The following DNAI7 variants were observed in gnomAD, a reference collection of about 807,000 sequenced individuals.
DNAI7 encodes the protein cancer susceptibility 1.
DNAI7 carries 78 observed loss-of-function variants against 86.6 expected under a neutral mutation model. The ratio of observed to expected loss-of-function variants is 0.90; its 90% CI spans 0.75 to 1.09. DNAI7 has a LOEUF of 1.09. Ranked by LOEUF, DNAI7 falls within the 50% of genes least tolerant of loss-of-function variation. The pLI is 0.00. For missense variants in DNAI7, 753 were observed against 810.2 expected, an observed-to-expected ratio of 0.93 and a Z score of 0.86; for synonymous variants, 274 against 273.0, an observed-to-expected ratio of 1.00 and a Z score of -0.04.
intron 4 of DNAI7, among the ~76,000 whole-genome samples, chr12:25,158,231 G>GA (rs1028413734): frequency 1.1e-3 from 151 of 138,944 alleles, no homozygotes; most frequent in Middle Eastern, 3.7e-3. Flanking sequence ...TCCATCTCAA[G>GA]AAAAAAAAAA....
Position 25,119,771 on chromosome 12 carries a change from T to C in DNAI7, c.1240-470A>G. The stretch of plus-strand genomic sequence containing the variant: ...ACCTATTGAGAAGAAAGGAAATGAA[T>C]GAATGAAAGTGAATTAACCAGACAG... On this transcript the variant is annotated intron_variant, in intron 11 of 15. Transcript: ENST00000395987. 1.3e-5 allele frequency among the ~76,000 whole-genome samples: 2 copies of C among 151,968 alleles called. 1 individual carries two copies. Among genetic ancestry groups the C allele is most frequent in the East Asian group, 3.9e-4 (2 of 5,192 alleles).
intron 2 of DNAI7, among the ~76,000 whole-genome samples, chr12:25,174,651 A>ATATATCATATAT (rs1491372855): frequency 8.2e-6 from 1 of 121,756 alleles, no homozygotes; most frequent in Non-Finnish European, 1.7e-5. Context: ...TATGGAATAT[A>ATATATCATATAT]GATATCATAT....
chr12:25,171,198 A>C (rs1948093738), intron 2 of DNAI7, among the ~76,000 whole-genome samples: 1 of 152,200 alleles, frequency 6.6e-6, no homozygotes, highest in Admixed American at 6.5e-5. Flanking sequence ...GGTTCTTTGA[A>C]AAGATAAATA....
chr12:25,109,967 C>T (rs569977183), intron 15 of DNAI7, among the ~76,000 whole-genome samples, 160 bp downstream of exon 15: 5 of 152,174 alleles, frequency 3.3e-5, no homozygotes, highest in Admixed American at 6.5e-5. Flanking sequence ...AATGAGCCAC[C>T]GTGCTTGGCC....
intron 4 of DNAI7, among the ~76,000 whole-genome samples, chr12:25,156,435 G>A (rs899272061): frequency 2.0e-5 from 3 of 152,180 alleles, no homozygotes; most frequent in Non-Finnish European, 2.9e-5. Context: ...ATCACTGTAA[G>A]CTTGAAAGTA....
At chr12:25,180,866 G>A (rs1949434620) in intron 2 of DNAI7, among the ~76,000 whole-genome samples, 1 of 152,054 alleles carries the variant, frequency 6.6e-6, no homozygotes, top group Non-Finnish European at 1.5e-5. Flanking sequence ...GGAGTGTGTG[G>A]TGCAATCTCG....
At chr12:25,150,496 C>G (rs543553756) in intron 6 of DNAI7, among the ~76,000 whole-genome samples, 1 of 146,406 alleles carries the variant, frequency 6.8e-6, no homozygotes, top group African/African-American at 2.6e-5. Context: ...CCCAGCAACT[C>G]GGGAGGCTGA....
chr12:25,169,412 G>C (rs747102895), intron 2 of DNAI7, among the ~76,000 whole-genome samples: 4 of 151,824 alleles, frequency 2.6e-5, no homozygotes, highest in African/African-American at 9.7e-5. Context: ...ATCTCCCTTC[G>C]CTGACTCTCT....
chr12:25,173,916 A>T (rs1565807389), intron 2 of DNAI7, among the ~76,000 whole-genome samples: 3 of 145,482 alleles, frequency 2.1e-5, no homozygotes, highest in Admixed American at 6.8e-5. Context: ...ATATATATGG[A>T]ATATATATAT....
chr12:25,153,192 C>T (rs535440944), intron 6 of DNAI7, among the ~76,000 whole-genome samples: 1 of 152,252 alleles, frequency 6.6e-6, no homozygotes, highest in African/African-American at 2.4e-5. Context: ...GAAGCTGAGG[C>T]TGCTGGATCA....
At position 25,146,987 on chromosome 12, in the gene DNAI7, G is replaced by A. The variant is rs11047863; in HGVS notation, c.689+14C>T. ...TCTTTCCACCTACAGGGAAAGTATT[G>A]CCCACAAGGGTACCTTGGATTCTTC... is the stretch of plus-strand genomic sequence containing the variant. On this transcript the variant is annotated intron_variant, in intron 8 of 15. Transcript: ENST00000395987. 0.79 allele frequency: 1,055,668 copies of A among 1,335,842 alleles called. 427,234 individuals carry two copies. The highest frequency in any genetic ancestry group is 1 in the East Asian group (43,345 of 43,546). 82.7% of individuals were successfully genotyped at this position (1,335,842 alleles called of 1,614,324 possible). A position where few individuals can be genotyped will look rare whatever the true frequency, so the allele number is the denominator to read the frequency against.
intron 9 of DNAI7, among the ~76,000 whole-genome samples, chr12:25,129,057 G>A (rs966202298): frequency 5.9e-5 from 9 of 152,024 alleles, no homozygotes; most frequent in East Asian, 3.9e-4. Flanking sequence ...TACATCAGTC[G>A]CTGGCCTTCC....
At chr12:25,142,403 C>T (rs11047860) in intron 9 of DNAI7, among the ~76,000 whole-genome samples, 6,097 of 151,710 alleles carry the variant, frequency 0.04, 410 homozygotes, top group African/African-American at 0.13. Context: ...GTCCACTGCT[C>T]GGGTAATGGG....
chr12:25,158,369 TA>T, intron 4 of DNAI7, 102 bp downstream of exon 4: 1 of 868,400 alleles, frequency 1.2e-6, no homozygotes, highest in Non-Finnish European at 1.8e-6. Flanking sequence ...CATGTAGGCC[TA>T]AATATTACTG....
At chr12:25,129,390 A>T (rs769008372) in intron 9 of DNAI7, among the ~76,000 whole-genome samples, 16 of 152,190 alleles carry the variant, frequency 1.1e-4, no homozygotes, top group Non-Finnish European at 1.9e-4. Flanking sequence ...TACCACATAG[A>T]GGTAGGCGTA....
chr12:25,188,020 T>C (rs1950192367), intron 2 of DNAI7, among the ~76,000 whole-genome samples: 1 of 152,288 alleles, frequency 6.6e-6, no homozygotes, highest in South Asian at 2.1e-4. Context: ...ACTCATACCA[T>C]TGGTGTGGTC....
intron 9 of DNAI7, among the ~76,000 whole-genome samples, chr12:25,140,458 T>C (rs1434129504): frequency 2.0e-5 from 3 of 151,356 alleles, no homozygotes; most frequent in African/African-American, 7.3e-5. Context: ...GTTGCAAAAA[T>C]AAATAAATAA....
chr12:25,162,485 T>G (rs1946946923), intron 2 of DNAI7, among the ~76,000 whole-genome samples: 1 of 152,154 alleles, frequency 6.6e-6, no homozygotes, highest in Non-Finnish European at 1.5e-5. Context: ...TCTCCTCCAT[T>G]TTCACAGGGG....
chr12:25,117,845 C>G (rs187834543), intron 12 of DNAI7, among the ~76,000 whole-genome samples: 2 of 151,982 alleles, frequency 1.3e-5, no homozygotes, highest in East Asian at 3.9e-4. Context: ...TAATCAAATA[C>G]TAATTATCCA....
Sources: allele counts gnomAD v4.1 joint callset (sites outside exome capture counted in the v4.1 genomes callset), GRCh38; gene constraint gnomAD v4.1.1; transcripts MANE v1.5; gene names NCBI Gene and HGNC (gene_info 2026-07-23, HGNC 2026-07-21).